SLC9C1: variants seen among roughly 807,000 people sequenced by gnomAD.
SLC9C1 encodes sodium/hydrogen exchanger 10.
Under a neutral mutation model 140.9 loss-of-function variants are expected in SLC9C1, and 97 were observed. That is an observed-to-expected ratio of 0.69 (90% confidence interval 0.58 to 0.82). The LOEUF (loss-of-function observed/expected upper bound fraction) is 0.82. Among genes scored for constraint, SLC9C1 ranks in the 40% least tolerant of loss-of-function variants. The probability of loss-of-function intolerance (pLI) is 0.00; values close to 1 mark genes in which losing one functional copy is unlikely to be tolerated. For synonymous variants in SLC9C1, 440 were observed against 442.6 expected, an observed-to-expected ratio of 0.99 and a Z score of 0.07; for missense variants, 1,340 against 1,389.3, an observed-to-expected ratio of 0.96 and a Z score of 0.56.
In SLC9C1 at chr3:112,274,948, TA is replaced by T. The variant is rs759406683; in HGVS notation, c.561del (p.Ser188ValfsTer17). ...AGTCTTTGGTCAAAATCCATAATACTAGTAAATGTAATTAATGATATAACAG... is the reference window on the plus strand; with the variant it reads ...AGTCTTTGGTCAAAATCCATAATACTGTAAATGTAATTAATGATATAACAG... ...MTSVISLITFTSIMDFDQRLQ... is the reference protein window; with the variant it reads ...MTSVISLITFXSIMDFDQRLQ... On this transcript the variant is annotated frameshift_variant, in exon 6 of 29. Coordinates refer to ENST00000305815, the MANE Select transcript of SLC9C1 (RefSeq NM_183061.3). LOFTEE classifies it high-confidence loss of function. 6.3e-7 allele frequency: 1 copy of T among 1,575,308 alleles called. No homozygotes were observed. The highest frequency in any genetic ancestry group is 2.3e-5 in the East Asian group (1 of 43,638).
chr3:112,232,759 AG>A, intron 12 of SLC9C1, among the ~76,000 whole-genome samples: 1 of 152,254 alleles, frequency 6.6e-6, no homozygotes, highest in Middle Eastern at 3.4e-3. Context: ...ATTTCCCTTT[AG>A]GGAAACCATG....
rs768583870 is a variant in SLC9C1 at position 112,239,857 on chromosome 3, G to A, written c.1429C>T (p.Leu477Phe). 5.0e-6 allele frequency: 8 copies of A among 1,611,638 alleles called. No individual in the cohort carries two copies. Among genetic ancestry groups the A allele is most frequent in the South Asian group, 3.3e-5 (3 of 90,146 alleles). Residue 477 changes from leucine (L) to phenylalanine (F), a missense_variant, in exon 12 of 29, where the codon CTT (leucine) becomes TTT (phenylalanine). By Grantham distance (22) the Leu-to-Phe change is conservative. Coordinates refer to ENST00000305815, the MANE Select transcript of SLC9C1 (RefSeq NM_183061.3). Reference sequence around the variant, plus strand: ...TTGCTTACCATGTATGGGTTTTCAAGTGTAATTGCTTTCTCAATCATGTTC... The same window carrying A: ...TTGCTTACCATGTATGGGTTTTCAAATGTAATTGCTTTCTCAATCATGTTC... ...DWNMIEKAIT[L>F]ENPYMLNEEE...
chr3:112,171,530 T>G (rs2077247373), intron 23 of SLC9C1, among the ~76,000 whole-genome samples: 1 of 152,212 alleles, frequency 6.6e-6, no homozygotes, highest in African/African-American at 2.4e-5. Context: ...TGGGGAACTT[T>G]TGAAAAATCC....
chr3:112,181,021 G>A (rs1289878551), intron 21 of SLC9C1, among the ~76,000 whole-genome samples: 1 of 152,124 alleles, frequency 6.6e-6, no homozygotes, highest in Non-Finnish European at 1.5e-5. Context: ...CTTCCAAAGT[G>A]CTTGGATTAC....
At chr3:112,169,149 C>A in intron 24 of SLC9C1, 48 bp downstream of exon 24, 1 of 1,594,538 alleles carries the variant, frequency 6.3e-7, no homozygotes, top group Non-Finnish European at 8.5e-7. Flanking sequence ...TGTTTTAATG[C>A]CATTCCATTC....
intron 5 of SLC9C1, among the ~76,000 whole-genome samples, chr3:112,276,014 G>A (rs2080204549): frequency 6.6e-6 from 1 of 152,048 alleles, no homozygotes; most frequent in Non-Finnish European, 1.5e-5. Context: ...TCCCAAATGA[G>A]GCCATCCTGG....
chr3:112,274,291 T>C (rs1325688969), intron 6 of SLC9C1, among the ~76,000 whole-genome samples: 2 of 152,110 alleles, frequency 1.3e-5, no homozygotes, highest in African/African-American at 4.8e-5. Flanking sequence ...TTACAATCAC[T>C]ATTATAATAT....
At chr3:112,150,180 C>T (rs1302582830) in intron 28 of SLC9C1, among the ~76,000 whole-genome samples, 43 of 152,180 alleles carry the variant, frequency 2.8e-4, no homozygotes, top group Admixed American at 2.8e-3. Flanking sequence ...TGGCCTGAGA[C>T]TAAAATGCCT....
chr3:112,227,887 A>G, intron 13 of SLC9C1, among the ~76,000 whole-genome samples: 1 of 152,294 alleles, frequency 6.6e-6, no homozygotes, highest in South Asian at 2.1e-4. Context: ...TGAAAACTAT[A>G]AAAGACTAAT....
chr3:112,230,385 G>A (rs911044693), intron 13 of SLC9C1, among the ~76,000 whole-genome samples: 4 of 152,138 alleles, frequency 2.6e-5, no homozygotes, highest in African/African-American at 9.7e-5. Context: ...GAGCTAGCAG[G>A]AATATTTGCT....
intron 24 of SLC9C1, 61 bp from the exon 25 acceptor site, chr3:112,169,123 A>G: frequency 6.3e-7 from 1 of 1,576,290 alleles, no homozygotes. Flanking sequence ...ATATATTCAT[A>G]AATAGTCAAT....
At chr3:112,169,362 T>G (rs781384284) in intron 23 of SLC9C1, 34 bp from the exon 24 acceptor site, 10 of 1,592,668 alleles carry the variant, frequency 6.3e-6, no homozygotes, top group Non-Finnish European at 8.5e-6. Context: ...GATATTTTAT[T>G]TTGTGCACTA....
At chr3:112,157,886 G>T (rs1170173123) in intron 26 of SLC9C1, among the ~76,000 whole-genome samples, 1 of 151,632 alleles carries the variant, frequency 6.6e-6, no homozygotes, top group Non-Finnish European at 1.5e-5. Context: ...CTGCAACTTT[G>T]CTGGATTTAT....
intron 10 of SLC9C1, among the ~76,000 whole-genome samples, chr3:112,248,332 C>T (rs2079351735): frequency 6.6e-6 from 1 of 152,116 alleles, no homozygotes; most frequent in Non-Finnish European, 1.5e-5. Context: ...CAATCAGAGG[C>T]ACTCAGTTAA....
At chr3:112,235,402 C>G (rs990814335) in intron 12 of SLC9C1, among the ~76,000 whole-genome samples, 12 of 151,030 alleles carry the variant, frequency 7.9e-5, no homozygotes, top group Admixed American at 3.3e-4. Flanking sequence ...TCTAAATATA[C>G]AATCATGTCA....
intron 25 of SLC9C1, among the ~76,000 whole-genome samples, chr3:112,168,322 T>TACACAC (rs56965031): frequency 1.6e-4 from 22 of 133,834 alleles, no homozygotes; most frequent in African/African-American, 3.6e-4. Context: ...CACAAAACAA[T>TACACAC]ACACACACAC....
intron 28 of SLC9C1, chr3:112,147,474 G>T: frequency 2.5e-6 from 1 of 401,486 alleles, no homozygotes; most frequent in Non-Finnish European, 4.9e-6. Flanking sequence ...TTGTAAGGAT[G>T]GTCTCATGGT....
At chr3:112,274,005 A>C (rs78400307) in intron 6 of SLC9C1, among the ~76,000 whole-genome samples, 1 of 152,262 alleles carries the variant, frequency 6.6e-6, no homozygotes, top group African/African-American at 2.4e-5. Context: ...AGACTGTAAT[A>C]ATTGCTTTTC....
At chr3:112,291,407 TTAAAA>T (rs2080678133) in intron 1 of SLC9C1, among the ~76,000 whole-genome samples, 1 of 151,984 alleles carries the variant, frequency 6.6e-6, no homozygotes, top group Non-Finnish European at 1.5e-5. Context: ...TATAAGGAAC[TTAAAA>T]TAATCTACAA....
Sources: allele counts gnomAD v4.1 joint callset (sites outside exome capture counted in the v4.1 genomes callset), GRCh38; gene constraint gnomAD v4.1.1; transcripts MANE v1.5; gene names NCBI Gene and HGNC (gene_info 2026-07-23, HGNC 2026-07-21).